Variants in PHACTR2 observed in about 807,000 individuals in gnomAD.
PHACTR2 encodes the protein chromosome 6 open reading frame 56.
PHACTR2 carries 30 observed loss-of-function variants against 76.0 expected under a neutral mutation model. That is an observed-to-expected ratio of 0.39 (90% CI 0.30 to 0.54). The LOEUF (loss-of-function observed/expected upper bound fraction) is 0.54, where lower values mean the gene tolerates loss of function less well. Ranked by LOEUF, PHACTR2 falls within the 20% of genes least tolerant of loss-of-function variation. The probability of loss-of-function intolerance (pLI) is 0.61; values close to 1 mark genes in which losing one functional copy is unlikely to be tolerated. For missense variants in PHACTR2, 696 were observed against 781.1 expected, an observed-to-expected ratio of 0.89 and a Z score of 1.30; for synonymous variants, 292 against 292.5, an observed-to-expected ratio of 1.00 and a Z score of 0.02.
rs1453451084 is a variant in PHACTR2, at chr6:143,679,455, A to T, written c.46+1246A>T. ...AGGGGTTGAGTAGGATTTTAAATTT[A>T]GTAAACTATTTTGTGCAAATAAGAC... On this transcript the variant is annotated intron_variant, in intron 1 of 12. Coordinates refer to ENST00000440869, the MANE Select transcript of PHACTR2 (RefSeq NM_001100164.2). This position sits in a 1 kb window ranked among gnomAD's most constrained non-coding sequence, Gnocchi z 4.6. Among the ~76,000 whole-genome samples, 20 of 152,214 alleles carry T rather than the reference A, an allele frequency of 1.3e-4. No individual in the cohort carries two copies. The highest frequency in any genetic ancestry group is 1.3e-3 in the Admixed American group (20 of 15,290).
At chr6:143,778,426 A>G (rs1303279816) in intron 9 of PHACTR2, among the ~76,000 whole-genome samples, 3 of 151,844 alleles carry the variant, frequency 2.0e-5, no homozygotes, top group Admixed American at 6.6e-5. Context: ...AGGAACTACC[A>G]TCCACCCAGT....
chr6:143,657,638 A>G (rs185437271), intron 1 of PHACTR2, among the ~76,000 whole-genome samples: 1 of 152,322 alleles, frequency 6.6e-6, no homozygotes, highest in East Asian at 1.9e-4. Flanking sequence ...GTCTTTTGAA[A>G]GGCAGGGAAA....
In PHACTR2 at chr6:143,683,477, A is replaced by G. The variant is rs112308579; in HGVS notation, c.46+5268A>G. ...CCCCATTTTCACGGTGCCACAGATCAGCACTTGGCTGCTTCTCCTCAATCC... is the reference window on the plus strand; with the variant it reads ...CCCCATTTTCACGGTGCCACAGATCGGCACTTGGCTGCTTCTCCTCAATCC... On this transcript the variant is annotated intron_variant, in intron 1 of 12. Coordinates refer to ENST00000440869, the MANE Select transcript of PHACTR2 (RefSeq NM_001100164.2). This position sits in a 1 kb window ranked among gnomAD's most constrained non-coding sequence, Gnocchi z 4.1. Among the ~76,000 whole-genome samples the G allele has an allele frequency of 9.2e-3, 1,404 of 152,320 alleles. 20 individuals carry two copies. The highest frequency in any genetic ancestry group is 0.031 in the African/African-American group (1,306 of 41,564).
At chr6:143,631,992 G>T (rs1188167731) in intron 1 of PHACTR2, among the ~76,000 whole-genome samples, 1 of 152,114 alleles carries the variant, frequency 6.6e-6, no homozygotes, top group Non-Finnish European at 1.5e-5. Context: ...GTAGTGATGG[G>T]GCTAAGCCAG....
chr6:143,770,940 T>G (rs1406120490), intron 6 of PHACTR2, among the ~76,000 whole-genome samples: 6 of 147,018 alleles, frequency 4.1e-5, no homozygotes, highest in African/African-American at 9.9e-5. Flanking sequence ...TTTTTTTTTT[T>G]TGAGATGGAG....
rs1034001517 is a variant in PHACTR2, at chr6:143,742,732, C to G, written c.215-6253C>G. 3.3e-5 allele frequency among the ~76,000 whole-genome samples: 5 copies of G among 152,120 alleles called. No individual in the cohort carries two copies. Among genetic ancestry groups the G allele is most frequent in the African/African-American group, 9.7e-5 (4 of 41,404 alleles). On this transcript the variant is annotated intron_variant, in intron 2 of 12. Transcript: ENST00000440869. The surrounding 1 kb of genome is among the most constrained non-coding windows in gnomAD (Gnocchi z 4.5). ...CTAGACATGCCTTTCCTCCTTCCCCCCAAAAAGACACTTAGGTCCCCAATA... is the reference window on the plus strand; with the variant it reads ...CTAGACATGCCTTTCCTCCTTCCCCGCAAAAAGACACTTAGGTCCCCAATA...
chr6:143,542,662 AC>A (rs1430062270), intron 1 of PHACTR2, among the ~76,000 whole-genome samples: 1 of 152,160 alleles, frequency 6.6e-6, no homozygotes, highest in African/African-American at 2.4e-5. Flanking sequence ...CAGGGGTCCT[AC>A]CTACCTGACA....
chr6:143,591,796 C>A lies in PHACTR2; in HGVS notation c.217+54589C>A, dbSNP rs980728623. ...CTCTCCCAGGGTAGGGAATGTGGAG[C>A]CACCTGGAACCCAGACATCCTTTCC... On this transcript the variant is annotated intron_variant, in intron 1 of 11. Transcript: ENST00000367584. This position sits in a 1 kb window ranked among gnomAD's most constrained non-coding sequence, Gnocchi z 6.4. Among the ~76,000 whole-genome samples the A allele has an allele frequency of 2.0e-5, 3 of 152,188 alleles. No individual in the cohort carries two copies. Among genetic ancestry groups the A allele is most frequent in the African/African-American group, 7.2e-5 (3 of 41,440 alleles).
intron 1 of PHACTR2, among the ~76,000 whole-genome samples, chr6:143,660,310 C>G (rs1166581822): frequency 6.6e-6 from 1 of 151,728 alleles, no homozygotes; most frequent in Non-Finnish European, 1.5e-5. Context: ...ACAATCATGG[C>G]AGAAGGCAAG....
intron 6 of PHACTR2, among the ~76,000 whole-genome samples, chr6:143,771,148 A>ATATATATATATG (rs1775097064): frequency 1.3e-5 from 1 of 75,062 alleles, no homozygotes; most frequent in Non-Finnish European, 2.4e-5. Flanking sequence ...ATATATGTAT[A>ATATATATATATG]TATATATATG....
At position 143,780,237 on chromosome 6, in the gene PHACTR2, T is replaced by A. The variant is rs1174943870; in HGVS notation, c.1645+2854T>A. Among the ~76,000 whole-genome samples the A allele has an allele frequency of 3.3e-5, 5 of 152,314 alleles. No homozygotes were observed. In the East Asian group the frequency reaches 9.6e-4, roughly 29 times the overall value. ...TATAGTCTGTCATTAACATCTTGCT[T>A]TATGACATATCTATGCATCTGTTGA... On this transcript the variant is annotated intron_variant, in intron 9 of 12. Coordinates refer to ENST00000440869, the MANE Select transcript of PHACTR2 (RefSeq NM_001100164.2). This position sits in a 1 kb window ranked among gnomAD's most constrained non-coding sequence, Gnocchi z 4.4.
At chr6:143,572,879 T>G (rs1430396813) in intron 1 of PHACTR2, among the ~76,000 whole-genome samples, 1 of 152,226 alleles carries the variant, frequency 6.6e-6, no homozygotes, top group African/African-American at 2.4e-5. Flanking sequence ...CTTTTGAAAT[T>G]CACAAATCTT....
At chr6:143,746,507 T>C (rs1274460286) in intron 2 of PHACTR2, among the ~76,000 whole-genome samples, 2 of 152,130 alleles carry the variant, frequency 1.3e-5, no homozygotes, top group African/African-American at 4.8e-5. Context: ...GCCACCTTCA[T>C]CCTTAAGTTT....
intron 1 of PHACTR2, among the ~76,000 whole-genome samples, chr6:143,564,403 A>T (rs1775332830): frequency 6.6e-6 from 1 of 151,880 alleles, no homozygotes; most frequent in Non-Finnish European, 1.5e-5. Context: ...AGTAAAAATT[A>T]AGTAAACAGT....
At position 143,561,166 on chromosome 6, in the gene PHACTR2, C is replaced by T. The variant is rs1775266942; in HGVS notation, c.217+23959C>T. The T allele has an allele frequency of 6.6e-6, 1 of 152,430 alleles. No homozygotes were observed. The highest frequency in any genetic ancestry group is 1.9e-4 in the East Asian group (1 of 5,164). 9.4% of individuals were successfully genotyped at this position (152,430 alleles called of 1,614,324 possible). On this transcript the variant is annotated intron_variant, in intron 1 of 11. Coordinates refer to the PHACTR2 transcript ENST00000367584. This position sits in a 1 kb window ranked among gnomAD's most constrained non-coding sequence, Gnocchi z 4.1. ...GAGAGGAAGATGCAGTAGGCACTGA[C>T]CTTCTGACCTTGGCGGGATGCTTGA...
Position 143,611,472 on chromosome 6 carries a change from A to G in PHACTR2, c.13+3150A>G, listed in dbSNP as rs1009380227. ...GAGAGCATCAGATAATTTTAGCTGA[A>G]CGTTGGCTCTGCTACCTGTCATCCC... On this transcript the variant is annotated intron_variant, in intron 1 of 11. Coordinates refer to the PHACTR2 transcript ENST00000305766. This position sits in a 1 kb window ranked among gnomAD's most constrained non-coding sequence, Gnocchi z 4.4. Among the ~76,000 whole-genome samples the G allele has an allele frequency of 3.3e-5, 5 of 152,218 alleles. No individual in the cohort carries two copies. The highest frequency in any genetic ancestry group is 7.3e-5 in the Non-Finnish European group (5 of 68,036).
intron 4 of PHACTR2, among the ~76,000 whole-genome samples, chr6:143,759,662 T>C (rs1271539677): frequency 6.6e-6 from 1 of 150,654 alleles, no homozygotes; most frequent in Non-Finnish European, 1.5e-5. Context: ...TAAGATTTTC[T>C]TTCATGCACA....
chr6:143,579,884 C>T (rs1007944325), intron 1 of PHACTR2, among the ~76,000 whole-genome samples: 24 of 152,158 alleles, frequency 1.6e-4, no homozygotes, highest in African/African-American at 5.8e-4. Flanking sequence ...TCAAGGTATG[C>T]GCCAGGGCTG....
chr6:143,696,899 G>A lies in PHACTR2; in HGVS notation c.47-15117G>A, dbSNP rs1777786688. On this transcript the variant is annotated intron_variant, in intron 1 of 12. Transcript: ENST00000440869. The surrounding 1 kb of genome is among the most constrained non-coding windows in gnomAD (Gnocchi z 4.1). ...AGTGGAAAGGTGAGATAGGAGAGGT[G>A]GTGTGTTCTGTTTAAATTGGAATAA... Among the ~76,000 whole-genome samples the A allele has an allele frequency of 6.6e-6, 1 of 152,144 alleles. No homozygotes were observed. Among genetic ancestry groups the A allele is most frequent in the Admixed American group, 6.5e-5 (1 of 15,268 alleles).
Sources: allele counts gnomAD v4.1 joint callset (sites outside exome capture counted in the v4.1 genomes callset), GRCh38; gene constraint gnomAD v4.1.1; non-coding constraint Gnocchi (gnomAD v3.1); transcripts MANE v1.5; gene names NCBI Gene and HGNC (gene_info 2026-07-23, HGNC 2026-07-21).